Variants in CTNND2 observed in about 807,000 individuals in gnomAD.
CTNND2 encodes the protein catenin delta 2, also known as catenin delta-2.
A neutral mutation model predicts 144.4 loss-of-function variants in CTNND2; 22 were observed. That is an observed-to-expected ratio of 0.15 (90% CI 0.11 to 0.22). The LOEUF (loss-of-function observed/expected upper bound fraction) is 0.22, where lower values mean the gene tolerates loss of function less well. CTNND2 is among the 10% of genes least tolerant of loss of function. CTNND2 has a pLI of 1.00. For synonymous variants in CTNND2, 751 were observed against 695.6 expected, an observed-to-expected ratio of 1.08 and a Z score of -1.25; for missense variants, 1,353 against 1,618.8, an observed-to-expected ratio of 0.84 and a Z score of 2.82.
intron 2 of CTNND2, among the ~76,000 whole-genome samples, chr5:11,612,791 T>G (rs1156984227): frequency 6.6e-6 from 1 of 151,996 alleles, no homozygotes; most frequent in African/African-American, 2.4e-5. Context: ...TCCCATCAAC[T>G]TGGGAGGTTA....
chr5:11,872,540 C>T (rs1276521106), intron 1 of CTNND2, among the ~76,000 whole-genome samples: 1 of 152,198 alleles, frequency 6.6e-6, no homozygotes, highest in Non-Finnish European at 1.5e-5. Flanking sequence ...TCCTCTCCAG[C>T]ATCTGTTGTT....
chr5:11,626,324 T>A (rs1781150974), intron 2 of CTNND2, among the ~76,000 whole-genome samples: 1 of 152,210 alleles, frequency 6.6e-6, no homozygotes, highest in Admixed American at 6.5e-5. Context: ...GATTACCTCA[T>A]TTAAAGTTTT....
intron 9 of CTNND2, among the ~76,000 whole-genome samples, chr5:11,313,691 T>C (rs1751215711): frequency 6.6e-6 from 1 of 152,184 alleles, no homozygotes; most frequent in Non-Finnish European, 1.5e-5. Flanking sequence ...TAGCTGCAAC[T>C]GGGTAATTGC....
intron 1 of CTNND2, among the ~76,000 whole-genome samples, chr5:11,892,861 C>G (rs557894843): frequency 2.7e-4 from 41 of 152,330 alleles, no homozygotes; most frequent in Admixed American, 2.5e-3. Context: ...GTCCAAAAAT[C>G]TGTTACATTG....
chr5:11,152,922 C>T (rs2149755827), intron 12 of CTNND2, among the ~76,000 whole-genome samples: 1 of 152,146 alleles, frequency 6.6e-6, no homozygotes, highest in Admixed American at 6.5e-5. Context: ...CTCATCTGTT[C>T]CCATGTCCAC....
At chr5:11,266,365 G>A (rs1449412114) in intron 9 of CTNND2, among the ~76,000 whole-genome samples, 1 of 152,152 alleles carries the variant, frequency 6.6e-6, no homozygotes, top group Non-Finnish European at 1.5e-5. Flanking sequence ...AAAGAATAAG[G>A]AATTAACTTC....
intron 3 of CTNND2, among the ~76,000 whole-genome samples, chr5:11,532,521 T>C (rs1349221168): frequency 6.6e-6 from 1 of 152,168 alleles, no homozygotes; most frequent in Non-Finnish European, 1.5e-5. Flanking sequence ...CTTTGAACTA[T>C]AAAGCAACTG....
chr5:11,884,768 C>G (rs149827908), intron 1 of CTNND2, among the ~76,000 whole-genome samples: 1 of 152,174 alleles, frequency 6.6e-6, no homozygotes, highest in East Asian at 1.9e-4. Context: ...TTAACTTTAA[C>G]CCATTCACTA....
At chr5:11,251,126 A>T (rs1743601413) in intron 9 of CTNND2, among the ~76,000 whole-genome samples, 1 of 152,206 alleles carries the variant, frequency 6.6e-6, no homozygotes. Flanking sequence ...TATTTGTGAG[A>T]AGTGACTGAA....
chr5:11,198,131 G>T (rs913036400), intron 11 of CTNND2, among the ~76,000 whole-genome samples: 1 of 152,070 alleles, frequency 6.6e-6, no homozygotes, highest in Non-Finnish European at 1.5e-5. Flanking sequence ...AACCATAATG[G>T]TAGGAAATAT....
chr5:11,191,641 G>A (rs559693483), intron 11 of CTNND2, among the ~76,000 whole-genome samples: 10 of 152,166 alleles, frequency 6.6e-5, no homozygotes, highest in Non-Finnish European at 1.0e-4. Flanking sequence ...AGGGCATCAG[G>A]GCTGCTGCAG....
chr5:11,523,064 T>C (rs1772899930), intron 3 of CTNND2, among the ~76,000 whole-genome samples: 2 of 152,204 alleles, frequency 1.3e-5, no homozygotes, highest in South Asian at 2.1e-4. Flanking sequence ...CTATTGAATA[T>C]GCAAGTTTTT....
chr5:11,704,759 T>C (rs1366511308), intron 2 of CTNND2, among the ~76,000 whole-genome samples: 1 of 151,936 alleles, frequency 6.6e-6, no homozygotes, highest in African/African-American at 2.4e-5. Flanking sequence ...CACAGTTTAG[T>C]TGTGGCTCAC....
intron 2 of CTNND2, among the ~76,000 whole-genome samples, chr5:11,661,233 T>G (rs1783186910): frequency 1.3e-5 from 2 of 152,132 alleles, no homozygotes; most frequent in South Asian, 4.1e-4. Context: ...AAATAAATGT[T>G]GAGAAATACA....
intron 3 of CTNND2, among the ~76,000 whole-genome samples, chr5:11,420,509 C>T (rs898459614): frequency 2.0e-5 from 3 of 152,126 alleles, no homozygotes; most frequent in African/African-American, 7.2e-5. Context: ...CCCTTAGCCT[C>T]AAGTACTGTG....
At chr5:11,789,758 A>G (rs1791034266) in intron 1 of CTNND2, among the ~76,000 whole-genome samples, 1 of 152,186 alleles carries the variant, frequency 6.6e-6, no homozygotes, top group African/African-American at 2.4e-5. Flanking sequence ...ACAATGTTGA[A>G]TATTGGAAGT....
intron 3 of CTNND2, among the ~76,000 whole-genome samples, chr5:11,496,365 C>G (rs955123046): frequency 6.6e-5 from 10 of 152,204 alleles, no homozygotes; most frequent in Admixed American, 5.2e-4. Context: ...ACACTGAGAA[C>G]ATGTTTGGCT....
At chr5:10,985,146 AAAAC>A (rs1283893973) in intron 20 of CTNND2, among the ~76,000 whole-genome samples, 53 of 152,312 alleles carry the variant, frequency 3.5e-4, no homozygotes, top group African/African-American at 1.2e-3. Context: ...ACACTGACAA[AAAAC>A]AAACAGACCA....
chr5:11,025,990 CT>C (rs1283371114), intron 16 of CTNND2, among the ~76,000 whole-genome samples: 2 of 152,078 alleles, frequency 1.3e-5, no homozygotes, highest in Non-Finnish European at 2.9e-5. Context: ...GTGGTTCAAA[CT>C]TTTTTTATAG....
Sources: allele counts gnomAD v4.1 joint callset (sites outside exome capture counted in the v4.1 genomes callset), GRCh38; gene constraint gnomAD v4.1.1; transcripts MANE v1.5; gene names NCBI Gene and HGNC (gene_info 2026-07-23, HGNC 2026-07-21).